The following NXN variants were observed in gnomAD, a reference collection of about 807,000 sequenced individuals.
NXN encodes nucleoredoxin, also known as nucleoredoxin 1.
In NXN, 16 loss-of-function variants were observed where a neutral mutation model predicts 48.6. The ratio of observed to expected loss-of-function variants is 0.33; its 90% CI spans 0.22 to 0.50. NXN has a LOEUF of 0.50. Ranked by LOEUF, NXN falls within the 20% of genes least tolerant of loss-of-function variation. NXN has a pLI of 0.98. For missense variants in NXN, 492 were observed against 605.5 expected, an observed-to-expected ratio of 0.81 and a Z score of 1.97; for synonymous variants, 281 against 269.6, an observed-to-expected ratio of 1.04 and a Z score of -0.41.
chr17:853,039 G>A (rs748570092), intron 1 of NXN, among the ~76,000 whole-genome samples: 3 of 151,808 alleles, frequency 2.0e-5, no homozygotes, highest in Non-Finnish European at 4.4e-5. Flanking sequence ...GTGCAATGGC[G>A]CAATCTCAGC....
chr17:876,555 TA>T (rs2144821592), intron 1 of NXN, among the ~76,000 whole-genome samples: 1 of 152,294 alleles, frequency 6.6e-6, no homozygotes, highest in Admixed American at 6.5e-5. Flanking sequence ...GAGTAGGAAG[TA>T]AGAGTTATGT....
chr17:925,692 G>T (rs1444637369), intron 1 of NXN, among the ~76,000 whole-genome samples: 1 of 152,116 alleles, frequency 6.6e-6, no homozygotes, highest in African/African-American at 2.4e-5. Context: ...CCCAGCTCCT[G>T]ATCTGTGGTG....
At chr17:928,075 A>C (rs2068819334) in intron 1 of NXN, among the ~76,000 whole-genome samples, 1 of 152,052 alleles carries the variant, frequency 6.6e-6, no homozygotes, top group African/African-American at 2.4e-5. Flanking sequence ...CTTAATTCAC[A>C]GGGTTGTGGT....
chr17:971,408 A>G (rs1567526646), intron 1 of NXN, among the ~76,000 whole-genome samples: 1 of 151,858 alleles, frequency 6.6e-6, no homozygotes, highest in Non-Finnish European at 1.5e-5. Context: ...TCTTTAAAAC[A>G]CTCATTGAGA....
intron 1 of NXN, chr17:842,596 C>T (rs1351767203): frequency 7.7e-5 from 76 of 984,654 alleles, no homozygotes; most frequent in East Asian, 1.1e-4. Context: ...CTCCTCCTTC[C>T]AGGAGTCACT....
intron 1 of NXN, among the ~76,000 whole-genome samples, chr17:918,521 C>T (rs546354008): frequency 6.6e-6 from 1 of 152,170 alleles, no homozygotes; most frequent in Admixed American, 6.6e-5. Context: ...TGAGGCCGGG[C>T]GCAGTGGCTC....
At chr17:838,015 G>A (rs1597648419) in intron 1 of NXN, among the ~76,000 whole-genome samples, 1 of 152,080 alleles carries the variant, frequency 6.6e-6, no homozygotes, top group Middle Eastern at 3.4e-3. Flanking sequence ...TTCTTTCTGG[G>A]TCCTTCTCTG....
At chr17:955,634 C>T (rs565815756) in intron 1 of NXN, among the ~76,000 whole-genome samples, 77 of 151,426 alleles carry the variant, frequency 5.1e-4, no homozygotes, top group Admixed American at 1.6e-3. Context: ...CGGTGGCTCA[C>T]GCCTGTAATC....
intron 1 of NXN, among the ~76,000 whole-genome samples, chr17:879,408 G>A (rs551172622): frequency 6.6e-6 from 1 of 151,186 alleles, no homozygotes; most frequent in South Asian, 2.1e-4. Flanking sequence ...TCCCGCCTCA[G>A]CCTCCCAAGT....
Position 891,081 on chromosome 17 carries a change from G to A in NXN, c.361-65003C>T, listed in dbSNP as rs397832621. ...CGTCTGTCCACCCATCCGTCTGTCC[G>A]TCCATCCGTCCGTCCATCCGTCCAT... On this transcript the variant is annotated intron_variant, in intron 1 of 7. Coordinates refer to ENST00000336868, the MANE Select transcript of NXN (RefSeq NM_022463.5). 1.6e-3 allele frequency among the ~76,000 whole-genome samples: 192 copies of A among 121,648 alleles called. 1 individual carries two copies. The highest frequency in any genetic ancestry group is 6.7e-3 in the African/African-American group (177 of 26,260). 79.8% of individuals were successfully genotyped at this position (121,648 alleles called of 152,430 possible).
intron 1 of NXN, among the ~76,000 whole-genome samples, chr17:893,041 T>C (rs897173477): frequency 1.3e-5 from 2 of 152,256 alleles, no homozygotes; most frequent in Admixed American, 6.5e-5. Context: ...AACTGTTCTA[T>C]GAAACAAAGT....
chr17:825,918 G>T lies in NXN; in HGVS notation c.478+43C>A. On this transcript the variant is annotated intron_variant, in intron 2 of 7. Coordinates refer to ENST00000336868, the MANE Select transcript of NXN (RefSeq NM_022463.5). This position sits in a 1 kb window ranked among gnomAD's most constrained non-coding sequence, Gnocchi z 4.1. Reference sequence around the variant, plus strand: ...TAGCCTAAGGGCATGGAGGAGGGAGGGCTGGGTAATAAGAGGACCATATGC... The same window carrying T: ...TAGCCTAAGGGCATGGAGGAGGGAGTGCTGGGTAATAAGAGGACCATATGC... 2 of 1,274,394 alleles carry T rather than the reference G, an allele frequency of 1.6e-6. No individual in the cohort carries two copies. Among genetic ancestry groups the T allele is most frequent in the Non-Finnish European group, 2.3e-6 (2 of 886,732 alleles). 78.9% of individuals were successfully genotyped at this position (1,274,394 alleles called of 1,614,324 possible).
At chr17:877,526 G>A (rs927892782) in intron 1 of NXN, among the ~76,000 whole-genome samples, 5 of 152,144 alleles carry the variant, frequency 3.3e-5, no homozygotes, top group Non-Finnish European at 5.9e-5. Context: ...CTAAAGGCTG[G>A]GAACAGAAAG....
At chr17:948,423 C>A (rs9894911) in intron 1 of NXN, among the ~76,000 whole-genome samples, 1 of 151,950 alleles carries the variant, frequency 6.6e-6, no homozygotes, top group Non-Finnish European at 1.5e-5. Flanking sequence ...TATGTAAATG[C>A]TATTTTATAT....
At chr17:885,998 C>T (rs2068343311) in intron 1 of NXN, among the ~76,000 whole-genome samples, 1 of 152,028 alleles carries the variant, frequency 6.6e-6, no homozygotes. Flanking sequence ...GTGGTACTCA[C>T]TTTTAATGCT....
Position 825,856 on chromosome 17 carries a change from A to C in NXN, c.478+105T>G. The stretch of plus-strand genomic sequence containing the variant: ...CTACCACGTAAACCCACGTGTATCT[A>C]TTTCACCAGTACTCTCTCCACCGGT... On this transcript the variant is annotated intron_variant, in intron 2 of 7. Coordinates refer to ENST00000336868, the MANE Select transcript of NXN (RefSeq NM_022463.5). The surrounding 1 kb of genome is among the most constrained non-coding windows in gnomAD (Gnocchi z 4.1). The C allele has an allele frequency of 1.4e-6, 1 of 718,890 alleles. No individual in the cohort carries two copies. Among genetic ancestry groups the C allele is most frequent in the Admixed American group, 2.5e-5 (1 of 40,708 alleles). 44.5% of individuals were successfully genotyped at this position (718,890 alleles called of 1,614,324 possible). A position where few individuals can be genotyped will look rare whatever the true frequency, so the allele number is the denominator to read the frequency against.
At chr17:869,885 A>G (rs902074703) in intron 1 of NXN, among the ~76,000 whole-genome samples, 1 of 152,152 alleles carries the variant, frequency 6.6e-6, no homozygotes, top group Non-Finnish European at 1.5e-5. Flanking sequence ...TGCTGCCCAG[A>G]GTAAAAGGTG....
intron 1 of NXN, among the ~76,000 whole-genome samples, chr17:947,999 A>C (rs1385709212): frequency 1.3e-5 from 2 of 151,898 alleles, no homozygotes; most frequent in African/African-American, 4.8e-5. Flanking sequence ...TGCAGTGAGC[A>C]GAGATGGCAC....
chr17:890,502 T>G (rs574701246), intron 1 of NXN, among the ~76,000 whole-genome samples: 2 of 151,986 alleles, frequency 1.3e-5, no homozygotes, highest in Non-Finnish European at 2.9e-5. Context: ...GCCTCCCCAG[T>G]AGCTAGGACT....
Sources: allele counts gnomAD v4.1 joint callset (sites outside exome capture counted in the v4.1 genomes callset), GRCh38; gene constraint gnomAD v4.1.1; non-coding constraint Gnocchi (gnomAD v3.1); transcripts MANE v1.5; gene names NCBI Gene and HGNC (gene_info 2026-07-23, HGNC 2026-07-21).